Variants in PARD3B observed in about 807,000 individuals in gnomAD.
The protein encoded by PARD3B is partitioning defective 3 homolog B.
Under a neutral mutation model 130.2 loss-of-function variants are expected in PARD3B, and 103 were observed. That is an observed-to-expected ratio of 0.79 (90% CI 0.67 to 0.93). The LOEUF is 0.93. PARD3B is among the 40% of genes least tolerant of loss of function. The pLI, the probability that PARD3B is intolerant of heterozygous loss-of-function variation, is 0.00. For missense variants in PARD3B, 1,609 were observed against 1,499.2 expected (o/e 1.07, Z -1.21); for synonymous variants, 583 against 553.2 (o/e 1.05, Z -0.76).
chr2:204,976,543 ATATT>A (rs1333896391), intron 3 of PARD3B, among the ~76,000 whole-genome samples: 6 of 151,050 alleles, frequency 4.0e-5, no homozygotes, highest in Non-Finnish European at 8.8e-5. Context: ...TTTCATTATT[ATATT>A]TATTATGGAT....
intron 2 of PARD3B, among the ~76,000 whole-genome samples, chr2:204,964,711 A>G (rs780521051): frequency 5.0e-4 from 76 of 152,262 alleles, no homozygotes; most frequent in Non-Finnish European, 8.7e-4. Flanking sequence ...GCATCTTGTA[A>G]TGTGTTTTAG....
intron 4 of PARD3B, among the ~76,000 whole-genome samples, chr2:205,057,083 A>G (rs1699686652): frequency 6.6e-6 from 1 of 151,614 alleles, no homozygotes; most frequent in Admixed American, 6.6e-5. Context: ...AAATACAGGC[A>G]TTGTTTATTT....
intron 20 of PARD3B, among the ~76,000 whole-genome samples, chr2:205,447,346 T>C (rs1158864167): frequency 1.3e-5 from 2 of 152,172 alleles, no homozygotes; most frequent in Non-Finnish European, 2.9e-5. Context: ...CAATAAATAT[T>C]TTTGGAATAA....
chr2:204,950,272 G>GT (rs1033315643), intron 2 of PARD3B, among the ~76,000 whole-genome samples: 86 of 152,288 alleles, frequency 5.6e-4, no homozygotes, highest in African/African-American at 2.0e-3. Flanking sequence ...AGATAATACA[G>GT]TCTGATACTA....
chr2:204,756,531 C>T (rs576532171), intron 2 of PARD3B, among the ~76,000 whole-genome samples: 2 of 152,148 alleles, frequency 1.3e-5, no homozygotes, highest in South Asian at 4.2e-4. Context: ...CATTTCTTTA[C>T]GTTGAAGGAA....
intron 10 of PARD3B, among the ~76,000 whole-genome samples, chr2:205,150,308 C>T (rs2125693819): frequency 6.7e-6 from 1 of 149,252 alleles, no homozygotes; most frequent in Admixed American, 6.8e-5. Context: ...AGATGGAAAC[C>T]AGGAGAATCC....
chr2:205,012,329 A>G (rs1348720082), intron 3 of PARD3B, among the ~76,000 whole-genome samples: 7 of 152,134 alleles, frequency 4.6e-5, no homozygotes, highest in African/African-American at 1.2e-4. Context: ...CATTAAGTAT[A>G]TATTTCCATT....
At chr2:204,790,808 G>A (rs2042174905) in intron 2 of PARD3B, among the ~76,000 whole-genome samples, 1 of 152,020 alleles carries the variant, frequency 6.6e-6, no homozygotes, top group Admixed American at 6.6e-5. Context: ...TGAGTTTATA[G>A]TATAAAAGAA....
intron 18 of PARD3B, among the ~76,000 whole-genome samples, chr2:205,378,325 G>A (rs922931711): frequency 2.7e-4 from 41 of 152,188 alleles, no homozygotes; most frequent in African/African-American, 9.9e-4. Context: ...GAACAGGCAG[G>A]TTGAACAAAG....
intron 20 of PARD3B, among the ~76,000 whole-genome samples, chr2:205,483,062 G>T (rs886864001): frequency 6.8e-6 from 1 of 147,982 alleles, no homozygotes; most frequent in Admixed American, 6.7e-5. Flanking sequence ...TCGGTTCATT[G>T]TGTGTCCATG....
At chr2:205,035,820 T>TATATATATATATATATAGAGGG (rs1491091922) in intron 3 of PARD3B, among the ~76,000 whole-genome samples, 1 of 2,298 alleles carries the variant, frequency 4.4e-4, no homozygotes, top group African/African-American at 8.4e-4. Flanking sequence ...TATATATATA[T>TATATATATATATATATAGAGGG]CTATATATCT....
Position 205,043,556 on chromosome 2 carries a change from T to C in PARD3B, c.395-4025T>C, listed in dbSNP as rs146479922. 9.2e-5 allele frequency among the ~76,000 whole-genome samples: 14 copies of C among 152,276 alleles called. No individual in the cohort carries two copies. In the East Asian group the frequency reaches 2.5e-3, roughly 27 times the overall value. ...CACATGACAGTTAGCAGTGTTAGTG[T>C]CTAATTGTTACTGTTAGATTTATAA... On this transcript the variant is annotated intron_variant, in intron 3 of 22. Transcript: ENST00000406610.
intron 16 of PARD3B, among the ~76,000 whole-genome samples, chr2:205,294,275 T>C (rs1447808508): frequency 6.6e-6 from 1 of 152,128 alleles, no homozygotes; most frequent in African/African-American, 2.4e-5. Context: ...TATATATGTA[T>C]CTTTAGAAAT....
rs2039950181 is a variant in PARD3B, at chr2:205,253,610, C to T, written c.2185+7788C>T. Reference sequence around the variant, plus strand: ...AGCAGAAAGACAGAGAAAGAAGCCTCCTTGGGGTTCCATTACCCACACTCC... The same window carrying T: ...AGCAGAAAGACAGAGAAAGAAGCCTTCTTGGGGTTCCATTACCCACACTCC... On this transcript the variant is annotated intron_variant, in intron 16 of 22. Coordinates refer to ENST00000406610, the MANE Select transcript of PARD3B (RefSeq NM_001302769.2). This position sits in a 1 kb window ranked among gnomAD's most constrained non-coding sequence, Gnocchi z 4.4. 2.6e-6 allele frequency: 1 copy of T among 381,540 alleles called. No individual in the cohort carries two copies. Among genetic ancestry groups the T allele is most frequent in the Non-Finnish European group, 5.1e-6 (1 of 194,232 alleles). The allele number at this position is 381,540 out of a possible 1,614,324, so 23.6% of individuals were successfully genotyped here. A position where few individuals can be genotyped will look rare whatever the true frequency, so the allele number is the denominator to read the frequency against.
chr2:204,851,018 C>T (rs2044687340), intron 2 of PARD3B, among the ~76,000 whole-genome samples: 1 of 152,030 alleles, frequency 6.6e-6, no homozygotes, highest in South Asian at 2.1e-4. Flanking sequence ...TATATTTTGG[C>T]AGAAGTTTTC....
At chr2:204,688,057 T>C (rs1264946898) in intron 2 of PARD3B, among the ~76,000 whole-genome samples, 1 of 152,102 alleles carries the variant, frequency 6.6e-6, no homozygotes, top group Non-Finnish European at 1.5e-5. Flanking sequence ...TTATTATATG[T>C]AATCTCTGTT....
intron 18 of PARD3B, among the ~76,000 whole-genome samples, chr2:205,346,988 A>C (rs1234133460): frequency 6.6e-6 from 1 of 152,022 alleles, no homozygotes; most frequent in Non-Finnish European, 1.5e-5. Flanking sequence ...GTACATTTCC[A>C]TCTTGTGTTT....
In PARD3B at chr2:205,523,223, GTGTA is replaced by G. The variant is rs1193165300; in HGVS notation, c.3180+23194_3180+23197del. On this transcript the variant is annotated intron_variant, in intron 21 of 22. Transcript: ENST00000406610. ...CCGTGTACTATATGTGTGTGTGTGT[GTGTA>G]TATATATATATATATTTATATATAT... Among the ~76,000 whole-genome samples, 109 of 128,032 alleles carry G rather than the reference GTGTA, an allele frequency of 8.5e-4. 1 individual carries two copies. Among genetic ancestry groups the G allele is most frequent in the Admixed American group, 4.5e-3 (55 of 12,130 alleles). 84.0% of individuals were successfully genotyped at this position (128,032 alleles called of 152,430 possible).
At chr2:205,098,196 T>G (rs926482543) in intron 4 of PARD3B, among the ~76,000 whole-genome samples, 1 of 152,202 alleles carries the variant, frequency 6.6e-6, no homozygotes, top group African/African-American at 2.4e-5. Flanking sequence ...GTATAATGTT[T>G]CTATTACTCT....
Sources: gnomAD v4.1 joint callset for allele counts (sites outside exome capture counted in the v4.1 genomes callset) on GRCh38, gnomAD v4.1.1 for gene constraint, Gnocchi (gnomAD v3.1) non-coding constraint, MANE v1.5 for transcripts, NCBI Gene and HGNC (gene_info 2026-07-23, HGNC 2026-07-21) for gene names.